Variants in SLC25A27 observed in about 807,000 individuals in gnomAD.
SLC25A27 encodes mitochondrial uncoupling protein 4.
In SLC25A27, 35 loss-of-function variants were observed where a neutral mutation model predicts 49.1. The ratio of observed to expected loss-of-function variants is 0.71; its 90% CI spans 0.54 to 0.95. SLC25A27 has a LOEUF of 0.95. Among genes scored for constraint, SLC25A27 ranks in the 40% least tolerant of loss-of-function variants. The pLI is 0.00. For synonymous variants in SLC25A27, 144 were observed against 136.9 expected (o/e 1.05, Z -0.36); for missense variants, 339 against 397.1 (o/e 0.85, Z 1.24).
Position 46,676,699 on chromosome 6 carries a change from C to G in SLC25A27, c.*245C>G. On this transcript the variant is annotated 3_prime_UTR_variant, in exon 9 of 9. Transcript: ENST00000371347. ...CCAATGAGACCCCGCACAGCATTTT[C>G]TAAAGAAGAATCGAAGCCTGACCAC... 6.5e-7 allele frequency: 1 copy of G among 1,550,204 alleles called. No homozygotes were observed. Among genetic ancestry groups the G allele is most frequent in the Non-Finnish European group, 8.7e-7 (1 of 1,146,546 alleles).
chr6:46,666,161 C>T (rs1357101561), intron 5 of SLC25A27, among the ~76,000 whole-genome samples: 1 of 152,178 alleles, frequency 6.6e-6, no homozygotes, highest in Non-Finnish European at 1.5e-5. Context: ...AAGGTGTCTT[C>T]TTCACCAATA....
At chr6:46,654,032 G>T (rs1211513898) in intron 1 of SLC25A27, 1 of 776,368 alleles carries the variant, frequency 1.3e-6, no homozygotes, top group Non-Finnish European at 1.6e-6. Flanking sequence ...AAGCATAGAA[G>T]AGCAGTTACA....
At position 46,678,033 on chromosome 6, in the gene SLC25A27, TATATATATATATATA is replaced by T. The variant is rs1763863548; in HGVS notation, c.*1580_*1594del. The T allele has an allele frequency of 2.4e-5, 1 of 41,910 alleles. No individual in the cohort carries two copies. Among genetic ancestry groups the T allele is most frequent in the African/African-American group, 7.1e-5 (1 of 14,116 alleles). 2.6% of individuals were successfully genotyped at this position (41,910 alleles called of 1,614,324 possible). A position where few individuals can be genotyped will look rare whatever the true frequency, so the allele number is the denominator to read the frequency against. On this transcript the variant is annotated 3_prime_UTR_variant, in exon 9 of 9. Transcript: ENST00000371347. ...TATGTAATTGCGTTGTAAAATATTA[TATATATATATATATA>T]TATATATATATATATATGCTTAACT...
rs1763861325 is a variant in SLC25A27, at chr6:46,678,030, T to TTATATATATCTATATATATA, written c.*1585_*1586insCTATATATATATATATATAT. 9.9e-6 allele frequency: 1 copy of TTATATATATCTATATATATA among 100,630 alleles called. No individual in the cohort carries two copies. The highest frequency in any genetic ancestry group is 2.1e-5 in the Non-Finnish European group (1 of 48,604). The allele number at this position is 100,630 out of a possible 1,614,324, so 6.2% of individuals were successfully genotyped here. On this transcript the variant is annotated 3_prime_UTR_variant, in exon 9 of 9. Coordinates refer to ENST00000371347, the MANE Select transcript of SLC25A27 (RefSeq NM_004277.5). ...CAATATGTAATTGCGTTGTAAAATA[T>TTATATATATCTATATATATA]TATATATATATATATATATATATAT...
Position 46,653,284 on chromosome 6 carries a change from C to G in SLC25A27, c.92C>G (p.Thr31Ser), listed in dbSNP as rs748564213. 6.2e-7 allele frequency: 1 copy of G among 1,612,526 alleles called. No individual in the cohort carries two copies. The highest frequency in any genetic ancestry group is 8.5e-7 in the Non-Finnish European group (1 of 1,179,458). ...SKFLLSGCAA[T>S]VAELATFPLD... ...TTCCTACTGTCCGGCTGCGCGGCTA[C>G]CGTGGCCGAGCTAGGTACCCGGCTG... The change falls in exon 1 of 9, where the codon ACC becomes AGC. Residue 31 changes from threonine (T) to serine (S), a missense_variant. Coordinates refer to ENST00000371347, the MANE Select transcript of SLC25A27 (RefSeq NM_004277.5).
At chr6:46,668,136 G>T (rs762697336) in intron 5 of SLC25A27, among the ~76,000 whole-genome samples, 1 of 152,242 alleles carries the variant, frequency 6.6e-6, no homozygotes, top group East Asian at 1.9e-4. Flanking sequence ...CTTGAGCTCC[G>T]GAGTTGGAGA....
rs761543915 is a variant in SLC25A27, at chr6:46,670,212, G to A, written c.782G>A (p.Arg261Gln). Residue 261 changes from arginine to glutamine, a missense_variant, in exon 7 of 9, where the codon CGA becomes CAA. Arg to Gln is a conservative substitution (Grantham distance 43). Transcript: ENST00000371347. ...AAAAGCAGAATAATGAATCAACCAC[G>A]AGATAAACAAGGAAGGTAGATAAAA... is the stretch of plus-strand genomic sequence containing the variant. ...VIKSRIMNQP[R>Q]DKQGRGLLYK... is the part of the protein sequence containing the mutation. 61 of 1,611,452 alleles carry A rather than the reference G, an allele frequency of 3.8e-5. No individual in the cohort carries two copies. The South Asian group carries it at 5.1e-4, about 13-fold the overall frequency.
At chr6:46,658,423 A>T in intron 2 of SLC25A27, 1 of 374,914 alleles carries the variant, frequency 2.7e-6, no homozygotes, top group East Asian at 8.3e-5. Context: ...GTTGTTTTAC[A>T]GCTAAGATTC....
chr6:46,670,978 C>A, intron 7 of SLC25A27, 148 bp from the exon 8 acceptor site: 1 of 524,528 alleles, frequency 1.9e-6, no homozygotes, highest in Non-Finnish European at 3.4e-6. Context: ...GATCTGCCTG[C>A]CTCGGCCTCC....
intron 4 of SLC25A27, 104 bp from the exon 5 acceptor site, chr6:46,664,670 T>G (rs1037739237): frequency 2.0e-6 from 1 of 505,552 alleles, no homozygotes; most frequent in South Asian, 4.4e-5. Context: ...TATATCTGGA[T>G]GTTATTTACT....
At position 46,653,197 on chromosome 6, in the gene SLC25A27, C is replaced by T. The variant is rs769122059; in HGVS notation, c.5C>T (p.Ser2Phe). Residue 2 changes from serine to phenylalanine, a missense_variant, in exon 1 of 9, where the codon TCC becomes TTC. Physicochemically the swap from Ser to Phe is radical, Grantham distance 155. Transcript: ENST00000371347. M[S>F]VPEEEERLLP... ...ATCGTCTTGCGCTACTGCTGAATGT[C>T]CGTCCCGGAGGAGGAGGAGAGGCTT... 6.2e-7 allele frequency: 1 copy of T among 1,613,194 alleles called. No individual in the cohort carries two copies. The highest frequency in any genetic ancestry group is 1.7e-5 in the Admixed American group (1 of 59,962).
At chr6:46,665,505 G>A (rs1187948256) in intron 5 of SLC25A27, among the ~76,000 whole-genome samples, 1 of 152,084 alleles carries the variant, frequency 6.6e-6, no homozygotes, top group East Asian at 1.9e-4. Context: ...CTAACATGGT[G>A]AAACCCCGTC....
At chr6:46,662,256 A>T (rs759852456) in intron 3 of SLC25A27, 120 bp from the exon 4 acceptor site, 6 of 820,584 alleles carry the variant, frequency 7.3e-6, no homozygotes, top group Admixed American at 5.2e-5. Context: ...ACTTGGGTAT[A>T]TCCTTTTCTT....
At chr6:46,668,102 T>C (rs1474949179) in intron 5 of SLC25A27, among the ~76,000 whole-genome samples, 14 of 152,200 alleles carry the variant, frequency 9.2e-5, no homozygotes. Context: ...CCCAGCACTT[T>C]GGGAGGTTGA....
At position 46,676,402 on chromosome 6, in the gene SLC25A27, T is replaced by G. The variant is rs1421502781; in HGVS notation, c.920T>G (p.Phe307Cys). 6.2e-7 allele frequency: 1 copy of G among 1,614,048 alleles called. No individual in the cohort carries two copies. The highest frequency in any genetic ancestry group is 8.5e-7 in the Non-Finnish European group (1 of 1,179,914). Residue 307 changes from phenylalanine to cysteine, a missense_variant, in exon 9 of 9, where the codon TTC becomes TGC. Physicochemically the swap from Phe to Cys is radical, Grantham distance 205. Transcript: ENST00000371347. Reference sequence around the variant, plus strand: ...TTTCAGACCCCTTGGTCAATGGTGTTCTGGCTTACTTATGAAAAAATCAGA... The same window carrying G: ...TTTCAGACCCCTTGGTCAATGGTGTGCTGGCTTACTTATGAAAAAATCAGA... The part of the protein sequence containing the change: ...WLRMTPWSMV[F>C]WLTYEKIREM...
intron 4 of SLC25A27, among the ~76,000 whole-genome samples, chr6:46,663,541 C>T (rs1371118997): frequency 6.6e-6 from 1 of 152,184 alleles, no homozygotes; most frequent in African/African-American, 2.4e-5. Flanking sequence ...GACTAAATAA[C>T]AGGGAGAAGT....
At chr6:46,655,815 T>G (rs992526241) in intron 1 of SLC25A27, 28 bp from the exon 2 acceptor site, 6 of 1,600,332 alleles carry the variant, frequency 3.7e-6, no homozygotes, top group Middle Eastern at 1.7e-4. Context: ...ATGTTGTGGG[T>G]TTTTCCCTGC....
intron 3 of SLC25A27, among the ~76,000 whole-genome samples, chr6:46,659,497 G>A (rs1426378656): frequency 8.6e-5 from 13 of 151,952 alleles, no homozygotes; most frequent in African/African-American, 3.1e-4. Context: ...ATTATTTAAC[G>A]GAAACTGAAA....
intron 8 of SLC25A27, among the ~76,000 whole-genome samples, chr6:46,672,854 T>C (rs571125948): frequency 6.6e-6 from 1 of 152,272 alleles, no homozygotes; most frequent in East Asian, 1.9e-4. Flanking sequence ...AGATGGTAAT[T>C]GAAATGTTGA....
Sources: gnomAD v4.1 joint callset for allele counts (sites outside exome capture counted in the v4.1 genomes callset) on GRCh38, gnomAD v4.1.1 for gene constraint, MANE v1.5 for transcripts, NCBI Gene and HGNC (gene_info 2026-07-23, HGNC 2026-07-21) for gene names.